Variants in HDAC4 observed in about 807,000 individuals in gnomAD.
HDAC4 encodes the protein histone deacetylase A.
Under a neutral mutation model 135.1 loss-of-function variants are expected in HDAC4, and 16 were observed. That is an observed-to-expected ratio of 0.12 (90% confidence interval 0.08 to 0.18). The LOEUF is 0.18. Ranked by LOEUF, HDAC4 falls within the 10% of genes least tolerant of loss-of-function variation. HDAC4 has a pLI of 1.00. For synonymous variants in HDAC4, 685 were observed against 653.4 expected, an observed-to-expected ratio of 1.05 and a Z score of -0.74; for missense variants, 1,143 against 1,511.8, an observed-to-expected ratio of 0.76 and a Z score of 4.05.
intron 19 of HDAC4, among the ~76,000 whole-genome samples, chr2:239,084,801 A>C (rs1393446719): frequency 7.0e-6 from 1 of 143,364 alleles, no homozygotes; most frequent in Non-Finnish European, 1.5e-5. Flanking sequence ...CCCCACACAC[A>C]CCCCACACCC....
intron 1 of HDAC4, among the ~76,000 whole-genome samples, chr2:239,363,108 TAGA>T (rs1193418081): frequency 6.6e-6 from 1 of 152,188 alleles, no homozygotes; most frequent in Admixed American, 6.5e-5. Context: ...TCAAGAGACG[TAGA>T]AGAATTCTAC....
At chr2:239,160,471 T>A (rs929241429) in intron 6 of HDAC4, among the ~76,000 whole-genome samples, 5 of 152,224 alleles carry the variant, frequency 3.3e-5, no homozygotes, top group African/African-American at 4.8e-5. Flanking sequence ...CACGCCCTGA[T>A]GAAGCCACAG....
intron 2 of HDAC4, among the ~76,000 whole-genome samples, chr2:239,344,893 C>T (rs542665193): frequency 6.4e-4 from 97 of 152,244 alleles, no homozygotes; most frequent in African/African-American, 2.2e-3. Flanking sequence ...CCCACGTTCT[C>T]GGGGTTCAAT....
chr2:239,239,897 G>A (rs964524881), intron 2 of HDAC4, among the ~76,000 whole-genome samples: 1 of 152,248 alleles, frequency 6.6e-6, no homozygotes, highest in Non-Finnish European at 1.5e-5. Flanking sequence ...CCTTGGAGGC[G>A]GCGGCACAGA....
intron 2 of HDAC4, among the ~76,000 whole-genome samples, chr2:239,246,321 C>G (rs2048456329): frequency 6.6e-6 from 1 of 152,216 alleles, no homozygotes; most frequent in African/African-American, 2.4e-5. Flanking sequence ...CCTTCCCCTC[C>G]CCCGTCGGAG....
intron 3 of HDAC4, among the ~76,000 whole-genome samples, chr2:239,207,606 C>A (rs976485694): frequency 6.6e-6 from 1 of 152,042 alleles, no homozygotes; most frequent in African/African-American, 2.4e-5. Flanking sequence ...AACTTGAGGC[C>A]AGTAAGTTTT....
chr2:239,324,630 G>A (rs958483904), intron 2 of HDAC4, among the ~76,000 whole-genome samples: 5 of 152,140 alleles, frequency 3.3e-5, no homozygotes, highest in Non-Finnish European at 4.4e-5. Context: ...CAGGATGGTC[G>A]GAAGAGCCCC....
intron 1 of HDAC4, among the ~76,000 whole-genome samples, chr2:239,379,040 A>G (rs930693859): frequency 1.3e-5 from 2 of 152,182 alleles, no homozygotes; most frequent in Non-Finnish European, 2.9e-5. Context: ...ACGGGAAGGT[A>G]AAGAGGAAGT....
chr2:239,185,323 G>C (rs1350763638), intron 4 of HDAC4, among the ~76,000 whole-genome samples: 1 of 151,820 alleles, frequency 6.6e-6, no homozygotes, highest in African/African-American at 2.4e-5. Flanking sequence ...TATCTCCTGG[G>C]GAGAGGTCTG....
chr2:239,399,590 TC>T (rs1164335798), intron 1 of HDAC4, among the ~76,000 whole-genome samples: 1 of 152,096 alleles, frequency 6.6e-6, no homozygotes, highest in Non-Finnish European at 1.5e-5. Flanking sequence ...CCTGCCAGTA[TC>T]CCCCCAGTCC....
chr2:239,101,523 T>C (rs1225600113), intron 16 of HDAC4, among the ~76,000 whole-genome samples: 2 of 152,146 alleles, frequency 1.3e-5, no homozygotes, highest in East Asian at 3.9e-4. Flanking sequence ...CACCCTCTCC[T>C]TGCCCCTGCA....
intron 1 of HDAC4, among the ~76,000 whole-genome samples, chr2:239,385,321 C>T (rs1292782433): frequency 2.0e-5 from 3 of 152,242 alleles, no homozygotes; most frequent in Non-Finnish European, 4.4e-5. Flanking sequence ...CTGCTCTCAG[C>T]AGGAGGAAGC....
At position 239,132,372 on chromosome 2, in the gene HDAC4, G is replaced by A. The variant is rs559292221; in HGVS notation, c.1294+1873C>T. 3.9e-5 allele frequency among the ~76,000 whole-genome samples: 6 copies of A among 152,364 alleles called. No individual in the cohort carries two copies. The South Asian group carries it at 6.2e-4, about 16-fold the overall frequency. ...CTGGCTCCGAGGCTCCCTGCCAGGG[G>A]GTTTGCAGGATGAGCTGCTGGCAAC... On this transcript the variant is annotated intron_variant, in intron 11 of 26. Transcript: ENST00000543185.
At chr2:239,364,312 G>A (rs1694038249) in intron 1 of HDAC4, among the ~76,000 whole-genome samples, 1 of 152,186 alleles carries the variant, frequency 6.6e-6, no homozygotes, top group Non-Finnish European at 1.5e-5. Context: ...TAAATACCTT[G>A]TGATGTCATC....
rs1314738562 is a variant in HDAC4, at chr2:239,299,123, C to T, written c.22+53555G>A. Among the ~76,000 whole-genome samples, 1 of 152,060 alleles carries T rather than the reference C, an allele frequency of 6.6e-6. No homozygotes were observed. The highest frequency in any genetic ancestry group is 2.4e-5 in the African/African-American group (1 of 41,404). The stretch of plus-strand genomic sequence containing the variant: ...CTCGTGATCCGCCTGCCTTGGCCTC[C>T]CAAAGTGCTGGGATTACAGGCATAA... On this transcript the variant is annotated intron_variant, in intron 2 of 26. Transcript: ENST00000543185. The surrounding 1 kb of genome is among the most constrained non-coding windows in gnomAD (Gnocchi z 4.0).
chr2:239,095,245 G>A (rs1222397543), intron 16 of HDAC4, among the ~76,000 whole-genome samples, 189 bp from the exon 17 acceptor site: 1 of 152,052 alleles, frequency 6.6e-6, no homozygotes, highest in Non-Finnish European at 1.5e-5. Flanking sequence ...GAGGTGCCTT[G>A]ACTCCTGTGA....
At position 239,352,606 on chromosome 2, in the gene HDAC4, A is replaced by T; in HGVS notation, c.22+72T>A. The T allele has an allele frequency of 3.6e-6, 5 of 1,392,800 alleles. No individual in the cohort carries two copies. Among genetic ancestry groups the T allele is most frequent in the Non-Finnish European group, 4.0e-6 (4 of 1,002,046 alleles). The allele number at this position is 1,392,800 out of a possible 1,614,324, so 86.3% of individuals were successfully genotyped here. A position where few individuals can be genotyped will look rare whatever the true frequency, so the allele number is the denominator to read the frequency against. On this transcript the variant is annotated intron_variant, in intron 2 of 26. Coordinates refer to ENST00000543185, the MANE Select transcript of HDAC4 (RefSeq NM_001378414.1). This position sits in a 1 kb window ranked among gnomAD's most constrained non-coding sequence, Gnocchi z 4.4. ...GTCTCAAATCCAGAAAGCAAGCTGCAGTCACAAGAACTTCTACTTTGGGCA... is the reference window on the plus strand; with the variant it reads ...GTCTCAAATCCAGAAAGCAAGCTGCTGTCACAAGAACTTCTACTTTGGGCA...
chr2:239,055,195 C>G (rs1030451684), intron 24 of HDAC4: 1 of 304,008 alleles, frequency 3.3e-6, no homozygotes, highest in Non-Finnish European at 6.4e-6. Context: ...TTTCCTTTGT[C>G]TTTTATTAAT....
intron 2 of HDAC4, among the ~76,000 whole-genome samples, chr2:239,310,487 G>C (rs924999076): frequency 1.3e-5 from 2 of 152,266 alleles, no homozygotes; most frequent in South Asian, 4.1e-4. Flanking sequence ...TTCCCGGGGG[G>C]ATGGCTGGGG....
Sources: gnomAD v4.1 joint callset for allele counts (sites outside exome capture counted in the v4.1 genomes callset) on GRCh38, gnomAD v4.1.1 for gene constraint, Gnocchi (gnomAD v3.1) non-coding constraint, MANE v1.5 for transcripts, NCBI Gene and HGNC (gene_info 2026-07-23, HGNC 2026-07-21) for gene names.